GMCL1: variants seen among roughly 807,000 people sequenced by gnomAD.
GMCL1 encodes the protein germ cell-less 1, spermatogenesis associated, also known as germ cell-less protein-like 1.
In GMCL1, 54 loss-of-function variants were observed where a neutral mutation model predicts 75.5. That is an observed-to-expected ratio of 0.71 (90% CI 0.57 to 0.90). The LOEUF (loss-of-function observed/expected upper bound fraction) is 0.90. Ranked by LOEUF, GMCL1 falls within the 40% of genes least tolerant of loss-of-function variation. GMCL1 has a pLI of 0.00. For missense variants in GMCL1, 537 were observed against 622.7 expected (o/e 0.86, Z 1.47); for synonymous variants, 210 against 209.6 (o/e 1.00, Z -0.02).
intron 1 of GMCL1, among the ~76,000 whole-genome samples, chr2:69,833,444 G>A (rs1453262209): frequency 1.3e-5 from 2 of 151,898 alleles, no homozygotes; most frequent in East Asian, 1.9e-4. Flanking sequence ...GTGAAACCCC[G>A]CCTCTACCAA....
chr2:69,866,535 C>G (rs1675823131), intron 11 of GMCL1, among the ~76,000 whole-genome samples: 1 of 152,158 alleles, frequency 6.6e-6, no homozygotes. Context: ...GTGGCACAAT[C>G]ATCGCTCACT....
intron 2 of GMCL1, among the ~76,000 whole-genome samples, chr2:69,839,228 T>C (rs1292153498): frequency 1.3e-5 from 2 of 152,176 alleles, no homozygotes; most frequent in Admixed American, 6.5e-5. Context: ...ATTTTAGTTT[T>C]TTGTCAAAAA....
At chr2:69,844,544 CTTTTT>C (rs34141260) in intron 6 of GMCL1, 31 of 132,206 alleles carry the variant, frequency 2.3e-4, no homozygotes, top group Admixed American at 1.1e-3. Flanking sequence ...CTGTTTTGGC[CTTTTT>C]TTTTTTTTTT....
rs542236277 is a variant in GMCL1 at position 69,861,004 on chromosome 2, G to A, written c.1073-274G>A. 2.6e-5 allele frequency among the ~76,000 whole-genome samples: 4 copies of A among 152,178 alleles called. No homozygotes were observed. In the South Asian group the frequency reaches 6.2e-4, roughly 24 times the overall value. On this transcript the variant is annotated intron_variant, in intron 9 of 13. Transcript: ENST00000282570. ...ATTACAGGCGCCCACCACCACACCC[G>A]GCTAATTTTTGTATTTTTAGTAGAG...
rs760242350 is a variant in GMCL1, at chr2:69,830,105, TGAG to T, written c.221_223del (p.Glu74del). 3.7e-5 allele frequency: 59 copies of T among 1,578,770 alleles called. No homozygotes were observed. The highest frequency in any genetic ancestry group is 3.3e-4 in the Middle Eastern group (2 of 6,048). The stretch of plus-strand genomic sequence containing the variant: ...ACCCTGACTCGGAGACGGACGAGGA[TGAG>T]GAGGAGGGGGACGAGCAGCAGCGGC... On this transcript the variant is annotated inframe_deletion, in exon 1 of 14. Transcript: ENST00000282570.
chr2:69,836,619 T>G (rs1176028754), intron 1 of GMCL1, among the ~76,000 whole-genome samples: 1 of 152,208 alleles, frequency 6.6e-6, no homozygotes, highest in Non-Finnish European at 1.5e-5. Context: ...AACAATTACT[T>G]CATTTTTAAA....
intron 4 of GMCL1, 148 bp from the exon 5 acceptor site, chr2:69,843,001 A>AC (rs1267177330): frequency 4.4e-5 from 14 of 321,654 alleles, no homozygotes; most frequent in Non-Finnish European, 7.3e-5. Flanking sequence ...AAAAAAAAAA[A>AC]AAAAAACTTA....
At chr2:69,839,378 G>C (rs2103953753) in intron 2 of GMCL1, 79 bp from the exon 3 acceptor site, 1 of 809,394 alleles carries the variant, frequency 1.2e-6, no homozygotes, top group African/African-American at 1.7e-5. Flanking sequence ...TAGAATAGTT[G>C]CTTAGAATTA....
intron 3 of GMCL1, among the ~76,000 whole-genome samples, 188 bp downstream of exon 3, chr2:69,839,741 T>G (rs982508398): frequency 3.9e-5 from 6 of 152,230 alleles, no homozygotes; most frequent in Admixed American, 3.9e-4. Flanking sequence ...TAATCTGTTT[T>G]GTCATTTGGG....
chr2:69,867,942 T>C (rs892124185), intron 11 of GMCL1, among the ~76,000 whole-genome samples: 18 of 152,250 alleles, frequency 1.2e-4, no homozygotes, highest in African/African-American at 4.3e-4. Context: ...CCTACTGCAA[T>C]GAAAAGAGAA....
intron 5 of GMCL1, 117 bp downstream of exon 5, chr2:69,843,378 G>T: frequency 3.5e-6 from 2 of 566,312 alleles, no homozygotes; most frequent in Admixed American, 3.2e-5. Flanking sequence ...TAGGATAGGG[G>T]GATGGAATTT....
Position 69,829,881 on chromosome 2 carries a change from G to C in GMCL1, c.-12G>C. On this transcript the variant is annotated 5_prime_UTR_variant, in exon 1 of 14. Transcript: ENST00000282570. ...TCTCTGGGCTCCCTGAAGTCTCGGG[G>C]AGCCGTGACCCATGGGATCGTTGAG... 6.4e-7 allele frequency: 1 copy of C among 1,573,746 alleles called. No individual in the cohort carries two copies. Among genetic ancestry groups the C allele is most frequent in the Non-Finnish European group, 8.6e-7 (1 of 1,161,232 alleles).
Position 69,839,523 on chromosome 2 carries a change from G to T in GMCL1, c.451G>T (p.Glu151Ter). The part of the protein sequence containing the change: ...KESSMNIIEL[E>*]IPDQNIDVEA... ...ATCCAGCATGAATATTATTGAACTGGAGATTCCTGACCAGAACATTGATGT... is the reference window on the plus strand; with the variant it reads ...ATCCAGCATGAATATTATTGAACTGTAGATTCCTGACCAGAACATTGATGT... The change falls in exon 3 of 14, where the codon GAG (glutamate) becomes TAG (stop). Residue 151 changes from glutamate (E) to a stop codon, truncating the protein, a stop_gained. Transcript: ENST00000282570. LOFTEE classifies it high-confidence loss of function. The T allele has an allele frequency of 6.2e-7, 1 of 1,600,110 alleles. No homozygotes were observed. The highest frequency in any genetic ancestry group is 8.6e-7 in the Non-Finnish European group (1 of 1,168,380).
intron 9 of GMCL1, 88 bp from the exon 10 acceptor site, chr2:69,861,190 T>C (rs1429013298): frequency 2.1e-6 from 2 of 952,158 alleles, no homozygotes; most frequent in Non-Finnish European, 3.2e-6. Context: ...TATTTAGAAA[T>C]GGTAACAATT....
At chr2:69,871,162 T>C (rs1675972206) in intron 12 of GMCL1, among the ~76,000 whole-genome samples, 1 of 149,658 alleles carries the variant, frequency 6.7e-6, no homozygotes. Flanking sequence ...AAATGTGGTA[T>C]ATACATAAAA....
At chr2:69,836,313 G>T (rs1452823803) in intron 1 of GMCL1, among the ~76,000 whole-genome samples, 1 of 152,160 alleles carries the variant, frequency 6.6e-6, no homozygotes, top group African/African-American at 2.4e-5. Flanking sequence ...CCTTTTCCTG[G>T]TGTGGACTTA....
chr2:69,850,682 A>G (rs1256205320), intron 8 of GMCL1, among the ~76,000 whole-genome samples: 1 of 152,212 alleles, frequency 6.6e-6, no homozygotes, highest in Admixed American at 6.5e-5. Context: ...CATATATTAC[A>G]TAGTGGTGTG....
chr2:69,842,914 C>G (rs911349269), intron 4 of GMCL1: 4 of 293,044 alleles, frequency 1.4e-5, no homozygotes, highest in South Asian at 6.4e-5. Context: ...CTACTCCCCC[C>G]CACCTTCCAT....
At chr2:69,830,370 C>T (rs888106535) in intron 1 of GMCL1, among the ~76,000 whole-genome samples, 2 of 152,182 alleles carry the variant, frequency 1.3e-5, no homozygotes, top group African/African-American at 4.8e-5. Context: ...ACAGACGCTT[C>T]CAGGGTGTTG....
Sources: allele counts gnomAD v4.1 joint callset (sites outside exome capture counted in the v4.1 genomes callset), GRCh38; gene constraint gnomAD v4.1.1; transcripts MANE v1.5; gene names NCBI Gene and HGNC (gene_info 2026-07-23, HGNC 2026-07-21).